PTPN13: variants seen among roughly 807,000 people sequenced by gnomAD.
PTPN13 encodes tyrosine-protein phosphatase non-receptor type 13.
A neutral mutation model predicts 284.0 loss-of-function variants in PTPN13; 191 were observed. The ratio of observed to expected loss-of-function variants is 0.67; its 90% CI spans 0.60 to 0.76. The LOEUF (loss-of-function observed/expected upper bound fraction) is 0.76. PTPN13 is among the 30% of genes least tolerant of loss of function. PTPN13 has a pLI of 0.00. For missense variants in PTPN13, 2,797 were observed against 2,939.9 expected (o/e 0.95, Z 1.12); for synonymous variants, 986 against 1,022.3 (o/e 0.96, Z 0.68).
intron 2 of PTPN13, among the ~76,000 whole-genome samples, chr4:86,653,675 A>G (rs1426868555): frequency 1.3e-5 from 2 of 152,150 alleles, no homozygotes; most frequent in Non-Finnish European, 2.9e-5. Context: ...TCAACATTGC[A>G]TGCAGCAACT....
intron 19 of PTPN13, among the ~76,000 whole-genome samples, chr4:86,752,198 A>G (rs1160113805): frequency 6.6e-6 from 1 of 152,174 alleles, no homozygotes; most frequent in Non-Finnish European, 1.5e-5. Context: ...CTTACGAAAT[A>G]CTACTAAACT....
chr4:86,618,965 G>T (rs1041365840), intron 1 of PTPN13, among the ~76,000 whole-genome samples: 1 of 152,104 alleles, frequency 6.6e-6, no homozygotes, highest in African/African-American at 2.4e-5. Flanking sequence ...CCAACAGTAC[G>T]TTGAATAGGA....
intron 3 of PTPN13, among the ~76,000 whole-genome samples, chr4:86,678,347 G>A (rs1450866198): frequency 6.6e-6 from 1 of 152,062 alleles, no homozygotes; most frequent in Non-Finnish European, 1.5e-5. Context: ...AGAGGTCAAA[G>A]GAATAAGCCC....
intron 10 of PTPN13, among the ~76,000 whole-genome samples, chr4:86,730,932 C>T (rs967079905): frequency 6.6e-6 from 1 of 152,200 alleles, no homozygotes; most frequent in Non-Finnish European, 1.5e-5. Flanking sequence ...ATTCGGCTAT[C>T]TTCCACTTTC....
chr4:86,638,419 C>T lies in PTPN13; in HGVS notation c.115+3048C>T, dbSNP rs1243166410. ...AAGCTGGAGGCATCACGCTACCTGA[C>T]TTCAAACTATACTACAAGGCTACAG... On this transcript the variant is annotated intron_variant, in intron 2 of 47. Coordinates refer to ENST00000411767, the MANE Select transcript of PTPN13 (RefSeq NM_080683.3). Among the ~76,000 whole-genome samples the T allele has an allele frequency of 2.6e-5, 4 of 152,186 alleles. No individual in the cohort carries two copies. In the East Asian group the frequency reaches 7.7e-4, roughly 29 times the overall value.
chr4:86,743,034 A>G (rs1341841769), intron 16 of PTPN13, among the ~76,000 whole-genome samples: 2 of 152,078 alleles, frequency 1.3e-5, no homozygotes, highest in African/African-American at 4.8e-5. Context: ...CTCTAACACA[A>G]AACTATTTTT....
At chr4:86,766,570 G>A (rs956790730) in intron 27 of PTPN13, 53 bp downstream of exon 27, 6 of 1,287,216 alleles carry the variant, frequency 4.7e-6, no homozygotes, top group Non-Finnish European at 6.4e-6. Flanking sequence ...GCAAAACAAT[G>A]TGTGAATAAC....
intron 47 of PTPN13, among the ~76,000 whole-genome samples, chr4:86,813,752 A>AT (rs145402263): frequency 0.034 from 5,166 of 152,246 alleles, 116 homozygotes; most frequent in Non-Finnish European, 0.048. Flanking sequence ...TAAGCTGTTA[A>AT]TTTTTTGACA....
chr4:86,770,790 T>C (rs1739902857), intron 30 of PTPN13, among the ~76,000 whole-genome samples: 1 of 152,122 alleles, frequency 6.6e-6, no homozygotes, highest in Non-Finnish European at 1.5e-5. Flanking sequence ...TTTCTATTAA[T>C]AATGAAAAGG....
intron 1 of PTPN13, among the ~76,000 whole-genome samples, chr4:86,624,204 A>G (rs112483832): frequency 0.046 from 7,047 of 152,108 alleles, 222 homozygotes; most frequent in African/African-American, 0.06. Flanking sequence ...CATAGACCCC[A>G]TAATCCTTCC....
At chr4:86,595,754 T>C in intron 1 of PTPN13, 1 of 985,788 alleles carries the variant, frequency 1.0e-6, no homozygotes, top group South Asian at 4.7e-5. Flanking sequence ...GAACAAAATG[T>C]AGGACACCTG....
intron 1 of PTPN13, among the ~76,000 whole-genome samples, chr4:86,600,518 T>C (rs1764214274): frequency 6.9e-6 from 1 of 145,068 alleles, no homozygotes; most frequent in African/African-American, 2.5e-5. Flanking sequence ...GTTGAAAGAA[T>C]GCTTGATGGA....
rs760147391 is a variant in PTPN13, at chr4:86,799,171, A to G, written c.6472A>G (p.Ile2158Val). 9.5e-6 allele frequency: 15 copies of G among 1,586,358 alleles called. No individual in the cohort carries two copies. The highest frequency in any genetic ancestry group is 1.2e-5 in the Non-Finnish European group (14 of 1,167,086). The change falls in exon 42 of 48, where the codon ATA becomes GTA. Residue 2158 changes from isoleucine to valine, a missense_variant. By Grantham distance (29) the Ile-to-Val change is conservative. Transcript: ENST00000411767. ...EITWGNDELPIERTNHEDSDK... is the reference protein window; with the variant it reads ...EITWGNDELPVERTNHEDSDK... Reference sequence around the variant, plus strand: ...AACATGGGGAAATGATGAGTTGCCAATAGAGAGAACAAACCATGAAGATTC... The same window carrying G: ...AACATGGGGAAATGATGAGTTGCCAGTAGAGAGAACAAACCATGAAGATTC...
chr4:86,674,731 A>T (rs1384666944), intron 3 of PTPN13, among the ~76,000 whole-genome samples: 2 of 152,146 alleles, frequency 1.3e-5, no homozygotes, highest in African/African-American at 4.8e-5. Context: ...TTTGAAAAGA[A>T]TTTTTTGTAT....
intron 20 of PTPN13, among the ~76,000 whole-genome samples, chr4:86,753,843 T>C (rs1221763300): frequency 1.3e-5 from 2 of 152,082 alleles, no homozygotes; most frequent in Non-Finnish European, 2.9e-5. Flanking sequence ...ACTCTTAAAG[T>C]TGAAATAATT....
chr4:86,688,804 T>G (rs1032059280), intron 4 of PTPN13, among the ~76,000 whole-genome samples: 1 of 152,182 alleles, frequency 6.6e-6, no homozygotes, highest in Non-Finnish European at 1.5e-5. Context: ...TAGGGAAGTA[T>G]AAGTTAACTA....
intron 1 of PTPN13, among the ~76,000 whole-genome samples, chr4:86,609,388 T>C (rs1765068838): frequency 6.6e-6 from 1 of 152,284 alleles, no homozygotes; most frequent in Admixed American, 6.5e-5. Context: ...GTACAAAGAT[T>C]GAAAAGTAAG....
intron 2 of PTPN13, among the ~76,000 whole-genome samples, chr4:86,657,322 A>C (rs1578353844): frequency 6.6e-6 from 1 of 152,090 alleles, no homozygotes. Flanking sequence ...TCACGCTGGG[A>C]GCTATAGACT....
chr4:86,606,744 A>G (rs1489831008), intron 1 of PTPN13, among the ~76,000 whole-genome samples: 1 of 151,622 alleles, frequency 6.6e-6, no homozygotes, highest in Non-Finnish European at 1.5e-5. Flanking sequence ...ACATAATGAA[A>G]CTCCTTGACT....
Sources: allele counts gnomAD v4.1 joint callset (sites outside exome capture counted in the v4.1 genomes callset), GRCh38; gene constraint gnomAD v4.1.1; transcripts MANE v1.5; gene names NCBI Gene and HGNC (gene_info 2026-07-23, HGNC 2026-07-21).